Variants in CDC42EP4 observed in about 807,000 individuals in gnomAD.
CDC42EP4 encodes CDC42 effector protein (Rho GTPase binding) 4.
A neutral mutation model predicts 5.6 loss-of-function variants in CDC42EP4; 6 were observed. The ratio of observed to expected loss-of-function variants is 1.07; its 90% CI spans 0.59 to 2.12. The LOEUF is 2.12. CDC42EP4 is among the 30% of genes most tolerant of loss of function. The pLI, the probability that CDC42EP4 is intolerant of heterozygous loss-of-function variation, is 0.00. For synonymous variants in CDC42EP4, 230 were observed against 224.2 expected (o/e 1.03, Z -0.23); for missense variants, 490 against 508.6 (o/e 0.96, Z 0.35).
intron 1 of CDC42EP4, among the ~76,000 whole-genome samples, chr17:73,297,430 C>T (rs1001669645): frequency 2.6e-5 from 4 of 151,866 alleles, no homozygotes; most frequent in African/African-American, 7.2e-5. Flanking sequence ...GCTGAGATCA[C>T]GCCATTGCAC....
chr17:73,310,561 AG>A (rs1226824489), intron 1 of CDC42EP4, among the ~76,000 whole-genome samples: 2 of 151,924 alleles, frequency 1.3e-5, no homozygotes, highest in African/African-American at 4.8e-5. Flanking sequence ...GGAGCCGGTC[AG>A]ATTGCAAGGG....
chr17:73,309,055 A>AAAAAAAAAAAG (rs1165771237), intron 1 of CDC42EP4, among the ~76,000 whole-genome samples: 1 of 148,650 alleles, frequency 6.7e-6, no homozygotes, highest in Non-Finnish European at 1.5e-5. Context: ...AAAAAAAAAA[A>AAAAAAAAAAAG]AAAGGGTTGG....
chr17:73,297,733 A>G (rs1173304959), intron 1 of CDC42EP4, among the ~76,000 whole-genome samples: 1 of 151,894 alleles, frequency 6.6e-6, no homozygotes, highest in Non-Finnish European at 1.5e-5. Context: ...ATCTCAGCTC[A>G]CTGCAACCTC....
intron 1 of CDC42EP4, among the ~76,000 whole-genome samples, chr17:73,290,879 A>G (rs867662738): frequency 6.6e-6 from 1 of 152,208 alleles, no homozygotes; most frequent in South Asian, 2.1e-4. Context: ...AAGGGAAACC[A>G]CAGACCCGGC....
intron 1 of CDC42EP4, among the ~76,000 whole-genome samples, chr17:73,298,258 T>C (rs1360772138): frequency 6.6e-6 from 1 of 152,206 alleles, no homozygotes; most frequent in African/African-American, 2.4e-5. Flanking sequence ...TTATTCTAAG[T>C]TGCCTGGGCG....
chr17:73,287,756 C>A (rs1316570645), intron 1 of CDC42EP4, among the ~76,000 whole-genome samples: 1 of 152,250 alleles, frequency 6.6e-6, no homozygotes, highest in Non-Finnish European at 1.5e-5. Flanking sequence ...GAGAGGCACC[C>A]CCAGTCCAGA....
Position 73,304,140 on chromosome 17 carries a change from C to T in CDC42EP4, c.-113+7753G>A, listed in dbSNP as rs112681697. Reference sequence around the variant, plus strand: ...CCTCAGGGGTAGACCCCTCCCCAGACTCTGCAGTAACTATTCCTGGGCCAC... The same window carrying T: ...CCTCAGGGGTAGACCCCTCCCCAGATTCTGCAGTAACTATTCCTGGGCCAC... On this transcript the variant is annotated intron_variant, in intron 1 of 1. Transcript: ENST00000335793. Among the ~76,000 whole-genome samples, 584 of 152,334 alleles carry T rather than the reference C, an allele frequency of 3.8e-3. 5 individuals are homozygous for T. The highest frequency in any genetic ancestry group is 0.013 in the African/African-American group (560 of 41,568).
intron 1 of CDC42EP4, among the ~76,000 whole-genome samples, chr17:73,297,751 T>C (rs1036976431): frequency 6.6e-6 from 1 of 151,872 alleles, no homozygotes; most frequent in Non-Finnish European, 1.5e-5. Context: ...CTCCAACTCC[T>C]AGGTTCAAGC....
rs1294901156 is a variant in CDC42EP4 at position 73,308,362 on chromosome 17, C to T, written c.-113+3531G>A. Among the ~76,000 whole-genome samples the T allele has an allele frequency of 5.9e-5, 9 of 152,212 alleles. No homozygotes were observed. In the East Asian group the frequency reaches 1.5e-3, roughly 26 times the overall value. ...CAGGGCGAGATTGCTCAACCCTTCT[C>T]CCTCCGCCCACAGGCCTTATCTCTG... On this transcript the variant is annotated intron_variant, in intron 1 of 1. Transcript: ENST00000335793.
chr17:73,299,417 G>A (rs1482581497), intron 1 of CDC42EP4, among the ~76,000 whole-genome samples: 1 of 144,120 alleles, frequency 6.9e-6, no homozygotes, highest in Non-Finnish European at 1.5e-5. Context: ...GTGACAGAGC[G>A]AGACTCCGTC....
chr17:73,290,601 C>G (rs2062156683), intron 1 of CDC42EP4, among the ~76,000 whole-genome samples: 2 of 152,218 alleles, frequency 1.3e-5, no homozygotes, highest in South Asian at 4.1e-4. Flanking sequence ...CAATGTCCCC[C>G]AGGAGGCAAA....
intron 1 of CDC42EP4, among the ~76,000 whole-genome samples, chr17:73,294,879 G>T (rs2062177188): frequency 6.6e-6 from 1 of 151,818 alleles, no homozygotes; most frequent in South Asian, 2.1e-4. Flanking sequence ...GTGCACTCTT[G>T]GCTCACTGTA....
chr17:73,300,188 C>G (rs545538721), intron 1 of CDC42EP4, among the ~76,000 whole-genome samples: 2 of 152,320 alleles, frequency 1.3e-5, no homozygotes, highest in Non-Finnish European at 2.9e-5. Flanking sequence ...TGCACAGCCA[C>G]CCTGGGGCAG....
At chr17:73,297,309 A>AAAC (rs1555741607) in intron 1 of CDC42EP4, among the ~76,000 whole-genome samples, 6 of 148,696 alleles carry the variant, frequency 4.0e-5, no homozygotes, top group African/African-American at 7.5e-5. Flanking sequence ...AAAAAAAAAA[A>AAAC]ACACACACAC....
At chr17:73,298,970 T>C (rs1273044873) in intron 1 of CDC42EP4, among the ~76,000 whole-genome samples, 1 of 152,070 alleles carries the variant, frequency 6.6e-6, no homozygotes, top group Non-Finnish European at 1.5e-5. Flanking sequence ...AGCTTTTTTT[T>C]TTTTTGAGAC....
intron 1 of CDC42EP4, chr17:73,306,991 G>C (rs544073928): frequency 6.6e-6 from 1 of 152,428 alleles, no homozygotes; most frequent in East Asian, 1.9e-4. Context: ...GGCCAAGGCA[G>C]AAGATGGTGG....
chr17:73,297,299 A>ACACACACACAC (rs1568343461), intron 1 of CDC42EP4, among the ~76,000 whole-genome samples: 68 of 147,588 alleles, frequency 4.6e-4, no homozygotes, highest in African/African-American at 1.6e-3. Context: ...CGTCTCCAAA[A>ACACACACACAC]AAAAAAAAAA....
chr17:73,286,020 C>G lies in CDC42EP4; in HGVS notation c.481G>C (p.Glu161Gln), dbSNP rs139856720. The G allele has an allele frequency of 1.8e-4, 283 of 1,613,604 alleles. No homozygotes were observed. Among genetic ancestry groups the G allele is most frequent in the Non-Finnish European group, 2.3e-4 (271 of 1,179,980 alleles). The change falls in exon 2 of 2, where the codon GAG becomes CAG. Residue 161 changes from glutamate (E) to glutamine (Q), a missense_variant. Glu to Gln is a conservative substitution (Grantham distance 29). Coordinates refer to ENST00000335793, the MANE Select transcript of CDC42EP4 (RefSeq NM_012121.5). The surrounding 1 kb of genome is among the most constrained non-coding windows in gnomAD (Gnocchi z 7.7). ...EGGDEEAGTE[E>Q]AVPRRNGAAG... ...GCCCCATTCCGACGGGGCACTGCCT[C>G]CTCCGTGCCCGCCTCCTCATCGCCG...
At chr17:73,304,523 A>G (rs1250265342) in intron 1 of CDC42EP4, among the ~76,000 whole-genome samples, 1 of 151,916 alleles carries the variant, frequency 6.6e-6, no homozygotes, top group Non-Finnish European at 1.5e-5. Flanking sequence ...CCCAGCTCAC[A>G]GATAAGAGCA....
Sources: gnomAD v4.1 joint callset for allele counts (sites outside exome capture counted in the v4.1 genomes callset) on GRCh38, gnomAD v4.1.1 for gene constraint, Gnocchi (gnomAD v3.1) non-coding constraint, MANE v1.5 for transcripts, NCBI Gene and HGNC (gene_info 2026-07-23, HGNC 2026-07-21) for gene names.